The following EIF2A variants were observed in gnomAD, a reference collection of about 807,000 sequenced individuals.
EIF2A encodes 65 kDa eukaryotic translation initiation factor 2A.
Under a neutral mutation model 75.2 loss-of-function variants are expected in EIF2A, and 62 were observed. The observed-to-expected ratio is 0.82, with a 90% CI of 0.67 to 1.02. The LOEUF (loss-of-function observed/expected upper bound fraction) is 1.02, where lower values mean the gene tolerates loss of function less well. Ranked by LOEUF, EIF2A falls within the 50% of genes least tolerant of loss-of-function variation. EIF2A has a pLI of 0.00. For synonymous variants in EIF2A, 207 were observed against 239.0 expected (o/e 0.87, Z 1.23); for missense variants, 611 against 677.7 (o/e 0.90, Z 1.09).
In EIF2A at chr3:150,567,668, TGATTTA is replaced by T; in HGVS notation, c.476-24_476-19del. Reference sequence around the variant, plus strand: ...TTCCTTTTAGGTTCTCTCATCAATCTGATTTAATTTACTCTTTTTTTTAGACACAAT... The same window carrying T: ...TTCCTTTTAGGTTCTCTCATCAATCTATTTACTCTTTTTTTTAGACACAAT... On this transcript the variant is annotated intron_variant, in intron 6 of 13. Coordinates refer to ENST00000460851, the MANE Select transcript of EIF2A (RefSeq NM_032025.5). The T allele has an allele frequency of 1.4e-6, 2 of 1,449,314 alleles. No individual in the cohort carries two copies. Among genetic ancestry groups the T allele is most frequent in the Non-Finnish European group, 1.9e-6 (2 of 1,066,374 alleles). The allele number at this position is 1,449,314 out of a possible 1,614,324, so 89.8% of individuals were successfully genotyped here. A position where few individuals can be genotyped will look rare whatever the true frequency, so the allele number is the denominator to read the frequency against.
At chr3:150,574,649 C>G (rs929264050) in intron 10 of EIF2A, among the ~76,000 whole-genome samples, 8 of 152,110 alleles carry the variant, frequency 5.3e-5, no homozygotes, top group Non-Finnish European at 8.8e-5. Context: ...ATGAACATAC[C>G]CAGAACTTTG....
intron 2 of EIF2A, among the ~76,000 whole-genome samples, chr3:150,554,732 A>G (rs1273244880): frequency 6.6e-6 from 1 of 152,156 alleles, no homozygotes; most frequent in African/African-American, 2.4e-5. Context: ...GGGGAACTTT[A>G]TAATCAGGCT....
intron 11 of EIF2A, among the ~76,000 whole-genome samples, chr3:150,578,687 A>G (rs1488972214): frequency 6.6e-6 from 1 of 152,168 alleles, no homozygotes; most frequent in Non-Finnish European, 1.5e-5. Context: ...TTCCAGTAAT[A>G]GCAAAGGTTT....
chr3:150,561,744 A>C (rs780167904), intron 3 of EIF2A, among the ~76,000 whole-genome samples: 4 of 151,826 alleles, frequency 2.6e-5, no homozygotes, highest in Non-Finnish European at 5.9e-5. Flanking sequence ...CTTCTATTTT[A>C]TATCATTTCC....
intron 11 of EIF2A, among the ~76,000 whole-genome samples, chr3:150,576,795 A>G (rs1576605408): frequency 6.6e-6 from 1 of 152,254 alleles, no homozygotes. Flanking sequence ...TCGAAATACC[A>G]GAAGTACCCA....
chr3:150,563,100 TTAATGA>T (rs769362906), intron 4 of EIF2A, among the ~76,000 whole-genome samples: 11 of 152,308 alleles, frequency 7.2e-5, no homozygotes, highest in African/African-American at 1.9e-4. Context: ...AAAGAGATAC[TTAATGA>T]TAATACATTA....
intron 3 of EIF2A, 147 bp downstream of exon 3, chr3:150,558,609 A>G (rs953567017): frequency 8.7e-6 from 5 of 575,268 alleles, no homozygotes; most frequent in South Asian, 7.5e-5. Flanking sequence ...GTTACACAAA[A>G]TACCTTCAAA....
chr3:150,572,609 C>T, intron 10 of EIF2A, 80 bp downstream of exon 10: 1 of 1,369,080 alleles, frequency 7.3e-7, no homozygotes, highest in Non-Finnish European at 9.9e-7. Context: ...AATCCCAGCA[C>T]TTCGGGAGGC....
chr3:150,576,088 CA>C (rs949808689), intron 11 of EIF2A, among the ~76,000 whole-genome samples: 84 of 148,828 alleles, frequency 5.6e-4, no homozygotes, highest in African/African-American at 1.6e-3. Flanking sequence ...ACTCCATCTC[CA>C]AAAAAAAAGG....
At position 150,567,724 on chromosome 3, in the gene EIF2A, A is replaced by T. The variant is rs1177488298; in HGVS notation, c.507A>T (p.Lys169Asn). ...NTIANKLHLQ[K>N]INDFVLSPGP... ...TTGCAAATAAATTGCATTTGCAAAA[A>T]ATTAATGATTTTGTATTATCACCTG... The change falls in exon 7 of 14, where the codon AAA becomes AAT. Residue 169 changes from lysine to asparagine, a missense_variant. Transcript: ENST00000460851. The T allele has an allele frequency of 2.6e-6, 4 of 1,553,218 alleles. No homozygotes were observed. Among genetic ancestry groups the T allele is most frequent in the Non-Finnish European group, 3.5e-6 (4 of 1,147,950 alleles).
intron 11 of EIF2A, among the ~76,000 whole-genome samples, chr3:150,577,366 ACT>A (rs1724934893): frequency 1.3e-5 from 2 of 151,810 alleles, no homozygotes; most frequent in Admixed American, 6.6e-5. Context: ...CTTTTGAGAC[ACT>A]CTGTCTCACT....
intron 11 of EIF2A, among the ~76,000 whole-genome samples, chr3:150,579,020 G>A (rs1522350): frequency 0.32 from 47,895 of 152,026 alleles, 8,264 homozygotes; most frequent in East Asian, 0.49. Context: ...TAATAATGCA[G>A]ACATTTCAAC....
chr3:150,579,696 T>C (rs1725060980), intron 11 of EIF2A, among the ~76,000 whole-genome samples: 1 of 129,574 alleles, frequency 7.7e-6, no homozygotes. Flanking sequence ...GCCTAGACTC[T>C]GTCTCCAAAA....
At chr3:150,571,072 CA>C (rs1391602917) in intron 9 of EIF2A, among the ~76,000 whole-genome samples, 1 of 149,762 alleles carries the variant, frequency 6.7e-6, no homozygotes, top group African/African-American at 2.4e-5. Context: ...ATCTCAAAAA[CA>C]AAAAAAAATT....
chr3:150,575,736 C>T lies in EIF2A; in HGVS notation c.1471C>T (p.His491Tyr), dbSNP rs1325329952. 6.2e-7 allele frequency: 1 copy of T among 1,611,982 alleles called. No homozygotes were observed. The highest frequency in any genetic ancestry group is 1.3e-5 in the African/African-American group (1 of 74,828). The change falls in exon 11 of 14, where the codon CAT (histidine) becomes TAT (tyrosine). Residue 491 changes from histidine (H) to tyrosine (Y), a missense_variant. Physicochemically the swap from His to Tyr is moderately conservative, Grantham distance 83 (BLOSUM62 2). Coordinates refer to ENST00000460851, the MANE Select transcript of EIF2A (RefSeq NM_032025.5). The part of the protein sequence containing the change: ...SKTALKNQRK[H>Y]EAKKAAKQEA... ...AACAGCTCTTAAAAATCAAAGGAAG[C>T]ATGAAGCTAAGAAAGCTGCAAAGCA... is the stretch of plus-strand genomic sequence containing the variant.
intron 1 of EIF2A, among the ~76,000 whole-genome samples, chr3:150,549,915 C>T (rs1354443537): frequency 1.3e-5 from 2 of 152,100 alleles, no homozygotes; most frequent in Non-Finnish European, 2.9e-5. Flanking sequence ...ATACATAGTT[C>T]AGTGAATGTA....
intron 1 of EIF2A, among the ~76,000 whole-genome samples, chr3:150,548,906 T>G (rs1723178363): frequency 6.6e-6 from 1 of 152,068 alleles, no homozygotes; most frequent in African/African-American, 2.4e-5. Context: ...TTCAACTCTG[T>G]GGTCCATTTT....
At position 150,552,387 on chromosome 3, in the gene EIF2A, T is replaced by G; in HGVS notation, c.60T>G (p.Asn20Lys). ...VRGSEGLYMV[N>K]GPPHFTESTV... ...GATCAGAAGGACTGTACATGGTGAA[T>G]GGACCACCACATTTTACAGAAAGCA... The change falls in exon 2 of 14, where the codon AAT becomes AAG. Residue 20 changes from asparagine to lysine, a missense_variant. Physicochemically the swap from Asn to Lys is moderately conservative, Grantham distance 94. Transcript: ENST00000460851. The G allele has an allele frequency of 1.9e-6, 3 of 1,553,412 alleles. No homozygotes were observed. Among genetic ancestry groups the G allele is most frequent in the Non-Finnish European group, 2.6e-6 (3 of 1,147,558 alleles).
At chr3:150,570,233 T>C (rs944380937) in intron 9 of EIF2A, among the ~76,000 whole-genome samples, 2 of 151,926 alleles carry the variant, frequency 1.3e-5, no homozygotes, top group African/African-American at 2.4e-5. Flanking sequence ...ATTATTACAA[T>C]GAGAGAAGAA....
Sources: gnomAD v4.1 joint callset for allele counts (sites outside exome capture counted in the v4.1 genomes callset) on GRCh38, gnomAD v4.1.1 for gene constraint, MANE v1.5 for transcripts, NCBI Gene and HGNC (gene_info 2026-07-23, HGNC 2026-07-21) for gene names.